The following NR6A1 variants were observed in gnomAD, a reference collection of about 807,000 sequenced individuals.
NR6A1 encodes retinoic acid receptor-related testis-associated receptor.
In NR6A1, 7 loss-of-function variants were observed where a neutral mutation model predicts 59.1. The ratio of observed to expected loss-of-function variants is 0.12; its 90% CI spans 0.07 to 0.22. The LOEUF (loss-of-function observed/expected upper bound fraction) is 0.22. Among genes scored for constraint, NR6A1 ranks in the 10% least tolerant of loss-of-function variants. NR6A1 has a pLI of 1.00. For synonymous variants in NR6A1, 243 were observed against 236.1 expected (o/e 1.03, Z -0.27); for missense variants, 468 against 611.6 (o/e 0.77, Z 2.48).
intron 1 of NR6A1, among the ~76,000 whole-genome samples, chr9:124,769,159 A>T (rs571755193): frequency 6.6e-6 from 1 of 152,070 alleles, no homozygotes; most frequent in South Asian, 2.1e-4. Flanking sequence ...ACGGAATTTT[A>T]TTGATCTCAA....
At chr9:124,630,782 G>A (rs750907086) in intron 2 of NR6A1, among the ~76,000 whole-genome samples, 3 of 144,196 alleles carry the variant, frequency 2.1e-5, no homozygotes, top group South Asian at 2.2e-4. Flanking sequence ...GGGTTCAAGC[G>A]ATTCTCCTGC....
intron 2 of NR6A1, among the ~76,000 whole-genome samples, chr9:124,626,748 AG>A (rs936707124): frequency 6.6e-6 from 1 of 152,058 alleles, no homozygotes; most frequent in Non-Finnish European, 1.5e-5. Flanking sequence ...AGCCTGGCCA[AG>A]ATGGTGAAAC....
intron 2 of NR6A1, chr9:124,599,588 C>T (rs965270364): frequency 5.6e-5 from 62 of 1,104,106 alleles, no homozygotes; most frequent in Non-Finnish European, 6.8e-5. Flanking sequence ...CATGAGGGCG[C>T]GGCGGCGGCG....
At chr9:124,733,383 T>C (rs1839936990) in intron 1 of NR6A1, 34 bp from the exon 2 acceptor site, 8 of 1,532,278 alleles carry the variant, frequency 5.2e-6, no homozygotes, top group Non-Finnish European at 5.4e-6. Context: ...AAAATTACAA[T>C]TTGTGAATTA....
intron 2 of NR6A1, among the ~76,000 whole-genome samples, chr9:124,689,492 C>T (rs557480206): frequency 6.6e-6 from 1 of 152,272 alleles, no homozygotes; most frequent in East Asian, 1.9e-4. Context: ...ATTCTATTCT[C>T]GCACATATGA....
At chr9:124,761,772 A>G (rs187687949) in intron 1 of NR6A1, among the ~76,000 whole-genome samples, 131 of 152,332 alleles carry the variant, frequency 8.6e-4, no homozygotes, top group Middle Eastern at 3.4e-3. Context: ...TTCTATAGCA[A>G]TGACTCTTAA....
intron 6 of NR6A1, among the ~76,000 whole-genome samples, 155 bp from the exon 7 acceptor site, chr9:124,536,287 T>G (rs1833264823): frequency 2.0e-5 from 3 of 152,046 alleles, no homozygotes; most frequent in African/African-American, 4.8e-5. Context: ...TGTGATTTTC[T>G]GATAAAGGGG....
intron 2 of NR6A1, among the ~76,000 whole-genome samples, chr9:124,604,551 G>A (rs1835525765): frequency 6.6e-6 from 1 of 152,204 alleles, no homozygotes; most frequent in South Asian, 2.1e-4. Flanking sequence ...GCTCACACCT[G>A]TAATCCCCGC....
intron 2 of NR6A1, among the ~76,000 whole-genome samples, chr9:124,699,039 A>G (rs997419754): frequency 6.6e-6 from 1 of 152,210 alleles, no homozygotes; most frequent in Non-Finnish European, 1.5e-5. Context: ...AGCTAAGTTC[A>G]GCTCTGCCCT....
At chr9:124,687,572 T>C (rs1169859105) in intron 2 of NR6A1, among the ~76,000 whole-genome samples, 2 of 152,338 alleles carry the variant, frequency 1.3e-5, no homozygotes, top group East Asian at 1.9e-4. Context: ...AATATAAGAA[T>C]GACCATTATC....
At chr9:124,745,669 CT>C (rs1840308736) in intron 1 of NR6A1, among the ~76,000 whole-genome samples, 1 of 90,162 alleles carries the variant, frequency 1.1e-5, no homozygotes, top group East Asian at 3.1e-4. Context: ...GAAACTCTGT[CT>C]TAAAAAAAAA....
chr9:124,616,527 A>C (rs1028586137), intron 2 of NR6A1, among the ~76,000 whole-genome samples: 5 of 152,088 alleles, frequency 3.3e-5, no homozygotes, highest in Non-Finnish European at 5.9e-5. Context: ...AAATCCAGAT[A>C]TCATTAAAGA....
chr9:124,626,735 A>T (rs1458992938), intron 2 of NR6A1, among the ~76,000 whole-genome samples: 4 of 152,060 alleles, frequency 2.6e-5, no homozygotes, highest in African/African-American at 9.7e-5. Flanking sequence ...GGAATTTGAG[A>T]CCAGCCTGGC....
intron 2 of NR6A1, among the ~76,000 whole-genome samples, chr9:124,618,601 C>G (rs1169371097): frequency 6.6e-6 from 1 of 152,182 alleles, no homozygotes; most frequent in Non-Finnish European, 1.5e-5. Context: ...ACAGTGTTCA[C>G]TTTAGATCAT....
intron 2 of NR6A1, among the ~76,000 whole-genome samples, chr9:124,554,888 C>G (rs1833882338): frequency 6.6e-6 from 1 of 152,210 alleles, no homozygotes; most frequent in Admixed American, 6.5e-5. Context: ...CAATTCTACC[C>G]TGTAGGAGCA....
At chr9:124,614,879 A>C (rs1378769807) in intron 2 of NR6A1, among the ~76,000 whole-genome samples, 2 of 152,212 alleles carry the variant, frequency 1.3e-5, no homozygotes, top group African/African-American at 2.4e-5. Flanking sequence ...AAATGCATTA[A>C]AGACAATCCT....
At chr9:124,559,600 A>AC (rs1248296402) in intron 2 of NR6A1, among the ~76,000 whole-genome samples, 2 of 152,004 alleles carry the variant, frequency 1.3e-5, no homozygotes, top group Non-Finnish European at 2.9e-5. Flanking sequence ...ACATGGCGAA[A>AC]CCCCATCTCT....
intron 4 of NR6A1, among the ~76,000 whole-genome samples, chr9:124,542,701 A>G (rs1374498956): frequency 6.6e-6 from 1 of 152,176 alleles, no homozygotes; most frequent in East Asian, 1.9e-4. Context: ...ACCAGTAACA[A>G]TAATAGTTTT....
chr9:124,634,682 C>T (rs566545157), intron 2 of NR6A1, among the ~76,000 whole-genome samples: 1 of 152,124 alleles, frequency 6.6e-6, no homozygotes, highest in African/African-American at 2.4e-5. Context: ...ATTAGCTGGG[C>T]ATGGTGGCGG....
Sources: allele counts gnomAD v4.1 joint callset (sites outside exome capture counted in the v4.1 genomes callset), GRCh38; gene constraint gnomAD v4.1.1; transcripts MANE v1.5; gene names NCBI Gene and HGNC (gene_info 2026-07-23, HGNC 2026-07-21).